Variants in CCDC85A observed in about 807,000 individuals in gnomAD.
CCDC85A encodes coiled-coil domain-containing protein 85A.
In CCDC85A, 38 loss-of-function variants were observed where a neutral mutation model predicts 50.2. The ratio of observed to expected loss-of-function variants is 0.76; its 90% CI spans 0.58 to 0.99. The LOEUF (loss-of-function observed/expected upper bound fraction) is 0.99. CCDC85A is among the 50% of genes least tolerant of loss of function. CCDC85A has a pLI of 0.00. For synonymous variants in CCDC85A, 366 were observed against 301.4 expected (o/e 1.21, Z -2.22); for missense variants, 820 against 742.0 (o/e 1.11, Z -1.22).
At chr2:56,316,111 G>A (rs1332564399) in intron 2 of CCDC85A, among the ~76,000 whole-genome samples, 2 of 150,606 alleles carry the variant, frequency 1.3e-5, no homozygotes, top group East Asian at 3.9e-4. Flanking sequence ...AGACATATTT[G>A]TCAAAATAAC....
chr2:56,296,164 C>T (rs557455206), intron 2 of CCDC85A, among the ~76,000 whole-genome samples: 4 of 152,218 alleles, frequency 2.6e-5, no homozygotes, highest in African/African-American at 9.6e-5. Flanking sequence ...TTTTTATTCT[C>T]TTCCTCAATA....
rs1428239056 is a variant in CCDC85A at position 56,193,154 on chromosome 2, G to A, written c.954G>A (p.Gln318=). The change falls in exon 2 of 6, where the codon CAG becomes CAA. Residue 318 remains glutamine, a synonymous_variant. Transcript: ENST00000407595. ...TGAGTGGGAGCCCGGAACACTTCCA[G>A]AAGCACCGGTCAGGGAGCAGCCCTG... is the stretch of plus-strand genomic sequence containing the variant. ...HVLSGSPEHF[Q]KHRSGSSPEH... 1 of 1,612,618 alleles carries A rather than the reference G, an allele frequency of 6.2e-7. No individual in the cohort carries two copies. Among genetic ancestry groups the A allele is most frequent in the Non-Finnish European group, 8.5e-7 (1 of 1,178,922 alleles).
intron 2 of CCDC85A, among the ~76,000 whole-genome samples, chr2:56,249,670 A>G (rs1187749542): frequency 3.3e-5 from 5 of 152,210 alleles, no homozygotes; most frequent in Non-Finnish European, 5.9e-5. Context: ...AGTAGCTTTT[A>G]TCAATTTTCT....
intron 2 of CCDC85A, among the ~76,000 whole-genome samples, chr2:56,316,627 A>G (rs1037630593): frequency 4.6e-5 from 7 of 152,164 alleles, no homozygotes; most frequent in African/African-American, 1.7e-4. Context: ...TATCAGTTGA[A>G]TAGAGACAAT....
chr2:56,194,921 A>G (rs17268633), intron 2 of CCDC85A, among the ~76,000 whole-genome samples: 5,851 of 151,550 alleles, frequency 0.039, 208 homozygotes, highest in Admixed American at 0.13. Context: ...AAGAGATGCA[A>G]GTCATTTAAA....
chr2:56,264,845 C>T (rs1028066588), intron 2 of CCDC85A, among the ~76,000 whole-genome samples: 1 of 152,190 alleles, frequency 6.6e-6, no homozygotes, highest in Admixed American at 6.5e-5. Context: ...TTGCATTTCT[C>T]TTCTTTAGTC....
chr2:56,341,705 T>G (rs1300890414), intron 2 of CCDC85A, among the ~76,000 whole-genome samples: 1 of 152,214 alleles, frequency 6.6e-6, no homozygotes, highest in East Asian at 1.9e-4. Context: ...AGCATGATAA[T>G]GATTCTGAGC....
At chr2:56,286,857 C>T (rs1461965365) in intron 2 of CCDC85A, among the ~76,000 whole-genome samples, 1 of 152,132 alleles carries the variant, frequency 6.6e-6, no homozygotes, top group Non-Finnish European at 1.5e-5. Flanking sequence ...ATTGAATTTT[C>T]TTCTGGAAAG....
chr2:56,224,555 C>A (rs1015165800), intron 2 of CCDC85A, among the ~76,000 whole-genome samples: 25 of 152,134 alleles, frequency 1.6e-4, no homozygotes, highest in Non-Finnish European at 2.9e-5. Flanking sequence ...GTGGCTGTAC[C>A]ATTTTACATT....
chr2:56,315,190 C>T lies in CCDC85A; in HGVS notation c.1241-27689C>T, dbSNP rs4672108. On this transcript the variant is annotated intron_variant, in intron 2 of 5. Coordinates refer to ENST00000407595, the MANE Select transcript of CCDC85A (RefSeq NM_001080433.2). ...GAATTCTGCCCATCCCATTCCACCT[C>T]CCATGAGATTGACTGAGGTAATTCC... Among the ~76,000 whole-genome samples, 1,219 of 152,230 alleles carry T rather than the reference C, an allele frequency of 8.0e-3. 45 individuals are homozygous for T. The highest frequency in any genetic ancestry group is 0.059 in the Admixed American group (906 of 15,268).
chr2:56,330,096 CTG>C (rs1361223279), intron 2 of CCDC85A, among the ~76,000 whole-genome samples: 1 of 151,718 alleles, frequency 6.6e-6, no homozygotes, highest in African/African-American at 2.4e-5. Context: ...CTTTTATCCT[CTG>C]GCATTAGGAA....
At chr2:56,289,190 C>T (rs1671588697) in intron 2 of CCDC85A, among the ~76,000 whole-genome samples, 1 of 152,106 alleles carries the variant, frequency 6.6e-6, no homozygotes, top group Admixed American at 6.5e-5. Context: ...TTCAGATTAC[C>T]ACTCTTTTTT....
chr2:56,316,215 C>T (rs1052515979), intron 2 of CCDC85A, among the ~76,000 whole-genome samples: 4 of 152,140 alleles, frequency 2.6e-5, no homozygotes, highest in Non-Finnish European at 2.9e-5. Flanking sequence ...ACTGCTCCAG[C>T]GTCAAATTTG....
intron 2 of CCDC85A, among the ~76,000 whole-genome samples, chr2:56,257,036 T>A (rs1670013508): frequency 6.6e-6 from 1 of 152,210 alleles, no homozygotes; most frequent in Non-Finnish European, 1.5e-5. Flanking sequence ...GCCCTTCTGA[T>A]ACCATGAATG....
intron 2 of CCDC85A, among the ~76,000 whole-genome samples, chr2:56,287,174 C>T (rs1490504084): frequency 6.6e-6 from 1 of 152,170 alleles, no homozygotes; most frequent in Non-Finnish European, 1.5e-5. Context: ...TCACTCTTCA[C>T]TTTTGTAACC....
At chr2:56,229,551 G>T (rs990407918) in intron 2 of CCDC85A, among the ~76,000 whole-genome samples, 3 of 152,060 alleles carry the variant, frequency 2.0e-5, no homozygotes, top group Admixed American at 6.6e-5. Context: ...GAGAGAAAAA[G>T]ATAACTGAAA....
At chr2:56,382,463 C>T (rs780243883) in intron 5 of CCDC85A, among the ~76,000 whole-genome samples, 45 of 152,060 alleles carry the variant, frequency 3.0e-4, no homozygotes, top group Non-Finnish European at 5.6e-4. Context: ...TCTTCCCAAA[C>T]AGTGCTACAG....
intron 2 of CCDC85A, among the ~76,000 whole-genome samples, chr2:56,234,494 C>A (rs960733125): frequency 2.0e-5 from 3 of 152,142 alleles, no homozygotes; most frequent in Admixed American, 2.0e-4. Flanking sequence ...CTGCAATTAT[C>A]TTTATGATTA....
At chr2:56,377,961 C>T (rs771044501) in intron 5 of CCDC85A, among the ~76,000 whole-genome samples, 11 of 151,828 alleles carry the variant, frequency 7.2e-5, no homozygotes, top group Non-Finnish European at 1.3e-4. Flanking sequence ...CATAAGTGTC[C>T]TTGGTTGGCA....
Sources: gnomAD v4.1 joint callset for allele counts (sites outside exome capture counted in the v4.1 genomes callset) on GRCh38, gnomAD v4.1.1 for gene constraint, MANE v1.5 for transcripts, NCBI Gene and HGNC (gene_info 2026-07-23, HGNC 2026-07-21) for gene names.